The following LRFN5 variants were observed in gnomAD, a reference collection of about 807,000 sequenced individuals.
The protein encoded by LRFN5 is leucine rich repeat and fibronectin type III domain containing 5.
A neutral mutation model predicts 45.6 loss-of-function variants in LRFN5; 24 were observed. The ratio of observed to expected loss-of-function variants is 0.53; its 90% CI spans 0.38 to 0.74. The LOEUF is 0.74. Among genes scored for constraint, LRFN5 ranks in the 30% least tolerant of loss-of-function variants. LRFN5 has a pLI of 0.00. For missense variants in LRFN5, 776 were observed against 861.5 expected (o/e 0.90, Z 1.24); for synonymous variants, 340 against 313.8 (o/e 1.08, Z -0.88).
Position 41,887,523 on chromosome 14 carries a change from G to A in LRFN5, c.898G>A (p.Glu300Lys). The change falls in exon 3 of 6, where the codon GAG (glutamate) becomes AAG (lysine). Residue 300 changes from glutamate (E) to lysine (K), a missense_variant. Physicochemically the swap from Glu to Lys is moderately conservative, Grantham distance 56. Transcript: ENST00000298119. The surrounding 1 kb of genome is among the most constrained non-coding windows in gnomAD (Gnocchi z 4.8). ...TCATACACATGAGATGAGAGTCCTG[G>A]AGGGACAAAGGGCAACACTGAGGTG... is the stretch of plus-strand genomic sequence containing the variant. ...TRHTHEMRVL[E>K]GQRATLRCKA... The A allele has an allele frequency of 6.2e-7, 1 of 1,614,176 alleles. No individual in the cohort carries two copies. Among genetic ancestry groups the A allele is most frequent in the Non-Finnish European group, 8.5e-7 (1 of 1,180,020 alleles).
At chr14:41,792,422 C>G (rs185693221) in intron 2 of LRFN5, among the ~76,000 whole-genome samples, 1 of 151,936 alleles carries the variant, frequency 6.6e-6, no homozygotes, top group Non-Finnish European at 1.5e-5. Context: ...TTTCCCCACC[C>G]TAATAAGCCT....
intron 4 of LRFN5, chr14:41,893,164 T>C (rs1261385253): frequency 4.1e-6 from 4 of 983,062 alleles, no homozygotes; most frequent in East Asian, 2.3e-4. Context: ...GTGATAAATC[T>C]AACTAGAAAT....
At chr14:41,703,786 T>A (rs573327324) in intron 1 of LRFN5, among the ~76,000 whole-genome samples, 2 of 152,296 alleles carry the variant, frequency 1.3e-5, no homozygotes, top group Admixed American at 6.5e-5. Flanking sequence ...ACAATAAATG[T>A]AAGTATTTTA....
In LRFN5 at chr14:41,634,579, C is replaced by T. The variant is rs528892116; in HGVS notation, c.-197+26017C>T. ...GGATTTTGTAATCATCCCTGATACA[C>T]CATCTGGATAGACATAGGTCCTGAA... On this transcript the variant is annotated intron_variant, in intron 1 of 5. Transcript: ENST00000298119. Among the ~76,000 whole-genome samples, 4 of 152,220 alleles carry T rather than the reference C, an allele frequency of 2.6e-5. No individual in the cohort carries two copies. In the South Asian group the frequency reaches 8.3e-4, roughly 32 times the overall value.
chr14:41,889,043 A>G (rs913850105), intron 3 of LRFN5, among the ~76,000 whole-genome samples: 35 of 148,920 alleles, frequency 2.4e-4, no homozygotes, highest in African/African-American at 5.2e-4. Flanking sequence ...GTATATATAC[A>G]TGTGTGTATA....
At chr14:41,686,008 C>G (rs562220303) in intron 1 of LRFN5, among the ~76,000 whole-genome samples, 1 of 152,166 alleles carries the variant, frequency 6.6e-6, no homozygotes, top group South Asian at 2.1e-4. Context: ...TGAAGAATAT[C>G]AATGGTAGTT....
chr14:41,697,221 G>T (rs1306094022), intron 1 of LRFN5, among the ~76,000 whole-genome samples: 1 of 151,844 alleles, frequency 6.6e-6, no homozygotes, highest in African/African-American at 2.4e-5. Context: ...AATTTTATTT[G>T]TAGGAAGATT....
intron 2 of LRFN5, among the ~76,000 whole-genome samples, chr14:41,767,270 G>C (rs1367480002): frequency 6.6e-6 from 1 of 150,408 alleles, no homozygotes; most frequent in Non-Finnish European, 1.5e-5. Flanking sequence ...TTTAGGATTT[G>C]TGTTTCACAT....
intron 2 of LRFN5, among the ~76,000 whole-genome samples, chr14:41,816,797 G>A (rs1325246520): frequency 9.2e-5 from 14 of 151,934 alleles, no homozygotes; most frequent in Non-Finnish European, 4.4e-5. Flanking sequence ...TCCTGGATCT[G>A]TGATTTGGTG....
chr14:41,710,660 T>C (rs58734839), intron 1 of LRFN5, among the ~76,000 whole-genome samples: 35,621 of 152,038 alleles, frequency 0.23, 4,392 homozygotes, highest in South Asian at 0.38. Flanking sequence ...AGGGTACATG[T>C]GCACAACATG....
chr14:41,892,494 A>T (rs1291002871), intron 4 of LRFN5: 1 of 976,914 alleles, frequency 1.0e-6, no homozygotes, highest in Non-Finnish European at 1.2e-6. Flanking sequence ...AAAAAATGAT[A>T]TTTCTCTAAT....
intron 2 of LRFN5, among the ~76,000 whole-genome samples, chr14:41,863,759 G>T (rs1473315388): frequency 6.6e-6 from 1 of 152,268 alleles, no homozygotes; most frequent in Middle Eastern, 3.4e-3. Flanking sequence ...AGGTATACAC[G>T]TCGCATTGTC....
At chr14:41,882,764 T>G (rs906104583) in intron 2 of LRFN5, among the ~76,000 whole-genome samples, 8 of 151,870 alleles carry the variant, frequency 5.3e-5, no homozygotes, top group African/African-American at 1.7e-4. Context: ...ATTCGTTTTA[T>G]CCCAAGTTAT....
At chr14:41,862,861 CTTTTTT>C (rs536861522) in intron 2 of LRFN5, among the ~76,000 whole-genome samples, 2 of 110,228 alleles carry the variant, frequency 1.8e-5, no homozygotes, top group East Asian at 2.7e-4. Context: ...TTAAGTCTCT[CTTTTTT>C]TTTTTTTTTT....
Position 41,789,944 on chromosome 14 carries a change from A to G in LRFN5, c.-21+22915A>G, listed in dbSNP as rs182920590. Among the ~76,000 whole-genome samples the G allele has an allele frequency of 8.3e-4, 126 of 151,974 alleles. No individual in the cohort carries two copies. In the Middle Eastern group the frequency reaches 0.014, roughly 16 times the overall value. On this transcript the variant is annotated intron_variant, in intron 2 of 5. Transcript: ENST00000298119. ...TATCGTTTTTTCTACTTTCAAGGTT[A>G]TGCTGCCTCATAAAATGCATTGGGG...
At chr14:41,621,393 G>C (rs1436224848) in intron 1 of LRFN5, among the ~76,000 whole-genome samples, 2 of 152,066 alleles carry the variant, frequency 1.3e-5, no homozygotes, top group African/African-American at 4.8e-5. Context: ...AATTTAAATG[G>C]AGTTAGCACT....
Position 41,887,890 on chromosome 14 carries a change from T to A in LRFN5, c.1265T>A (p.Val422Glu), listed in dbSNP as rs1250169891. Residue 422 changes from valine to glutamate, a missense_variant, in exon 3 of 6, where the codon GTG (valine) becomes GAG (glutamate). Coordinates refer to ENST00000298119, the MANE Select transcript of LRFN5 (RefSeq NM_152447.5). This position sits in a 1 kb window ranked among gnomAD's most constrained non-coding sequence, Gnocchi z 4.8. ...GDTKLSQDKI[V>E]VAEATSSTAL... is the part of the protein sequence containing the mutation. ...ACTAAATTGAGTCAAGATAAAATTG[T>A]GGTGGCAGAAGCTACATCATCAACG... 2 of 1,613,984 alleles carry A rather than the reference T, an allele frequency of 1.2e-6. No individual in the cohort carries two copies. Among genetic ancestry groups the A allele is most frequent in the East Asian group, 4.5e-5 (2 of 44,856 alleles).
At chr14:41,625,902 A>G (rs572477637) in intron 1 of LRFN5, among the ~76,000 whole-genome samples, 1 of 152,266 alleles carries the variant, frequency 6.6e-6, no homozygotes, top group South Asian at 2.1e-4. Context: ...TATATTTGGT[A>G]ATAAAGTAAG....
chr14:41,798,055 CG>C (rs1887195659), intron 2 of LRFN5, among the ~76,000 whole-genome samples: 1 of 151,922 alleles, frequency 6.6e-6, no homozygotes, highest in Admixed American at 6.6e-5. Context: ...TCTCTATCCC[CG>C]CTTTAACTTA....
Sources: allele counts gnomAD v4.1 joint callset (sites outside exome capture counted in the v4.1 genomes callset), GRCh38; gene constraint gnomAD v4.1.1; non-coding constraint Gnocchi (gnomAD v3.1); transcripts MANE v1.5; gene names NCBI Gene and HGNC (gene_info 2026-07-23, HGNC 2026-07-21).